CSMD1: variants seen among roughly 807,000 people sequenced by gnomAD.
CSMD1 encodes CUB and sushi domain-containing protein 1.
A neutral mutation model predicts 417.5 loss-of-function variants in CSMD1; 213 were observed. The observed-to-expected ratio is 0.51, with a 90% CI of 0.46 to 0.57. The LOEUF is 0.57. CSMD1 is among the 20% of genes least tolerant of loss of function. CSMD1 has a pLI of 0.00. For synonymous variants in CSMD1, 2,862 were observed against 1,736.8 expected (o/e 1.65, Z -16.11); for missense variants, 6,923 against 4,529.7 (o/e 1.53, Z -15.17).
At chr8:3,650,868 CT>C (rs1797820817) in intron 7 of CSMD1, among the ~76,000 whole-genome samples, 1 of 152,160 alleles carries the variant, frequency 6.6e-6, no homozygotes, top group South Asian at 2.1e-4. Context: ...GTAACTATGA[CT>C]ATGTAACATC....
intron 26 of CSMD1, among the ~76,000 whole-genome samples, chr8:3,273,901 G>C (rs1802069137): frequency 6.6e-6 from 1 of 151,938 alleles, no homozygotes; most frequent in Non-Finnish European, 1.5e-5. Flanking sequence ...TTAATTTTTT[G>C]AAGGGTTTTT....
intron 1 of CSMD1, among the ~76,000 whole-genome samples, chr8:4,723,807 A>C (rs1024095301): frequency 2.3e-4 from 35 of 151,554 alleles, no homozygotes; most frequent in Admixed American, 6.6e-4. Flanking sequence ...AAAACAAAAA[A>C]AAAACAAAAC....
At chr8:3,448,876 G>A (rs140050659) in intron 12 of CSMD1, among the ~76,000 whole-genome samples, 1 of 152,196 alleles carries the variant, frequency 6.6e-6, no homozygotes, top group African/African-American at 2.4e-5. Context: ...ACTTACGCAG[G>A]CATAATTCTA....
chr8:4,860,162 C>CA (rs1802040478), intron 1 of CSMD1, among the ~76,000 whole-genome samples: 2 of 147,576 alleles, frequency 1.4e-5, no homozygotes, highest in South Asian at 4.2e-4. Context: ...ATCGCAAGAA[C>CA]AAAAAACCAA....
At chr8:3,162,536 C>T (rs1819964419) in intron 37 of CSMD1, among the ~76,000 whole-genome samples, 1 of 151,958 alleles carries the variant, frequency 6.6e-6, no homozygotes, top group African/African-American at 2.4e-5. Flanking sequence ...TTGTTACTTC[C>T]ACATTGAGTA....
intron 5 of CSMD1, among the ~76,000 whole-genome samples, chr8:3,797,044 T>C (rs553232982): frequency 6.6e-6 from 1 of 152,024 alleles, no homozygotes; most frequent in South Asian, 2.1e-4. Context: ...TATCAGCACA[T>C]ACGTGGTAGG....
intron 1 of CSMD1, among the ~76,000 whole-genome samples, chr8:4,799,521 C>T (rs1408199408): frequency 7.5e-6 from 1 of 133,972 alleles, no homozygotes; most frequent in Non-Finnish European, 1.5e-5. Context: ...ATTGCTTGAA[C>T]CCAGGAGGCG....
chr8:3,877,590 G>T (rs756744064), intron 5 of CSMD1, among the ~76,000 whole-genome samples: 1 of 152,150 alleles, frequency 6.6e-6, no homozygotes, highest in African/African-American at 2.4e-5. Context: ...TACACTGTTA[G>T]ATCTAACAAC....
At chr8:3,974,478 T>A (rs891399301) in intron 5 of CSMD1, among the ~76,000 whole-genome samples, 1 of 151,994 alleles carries the variant, frequency 6.6e-6, no homozygotes, top group African/African-American at 2.4e-5. Flanking sequence ...TAAAATGTAT[T>A]AAAACAGAAA....
chr8:2,994,399 G>A (rs751525207), intron 54 of CSMD1, among the ~76,000 whole-genome samples: 12 of 152,112 alleles, frequency 7.9e-5, no homozygotes, highest in Non-Finnish European at 1.3e-4. Context: ...GTGTGCACCT[G>A]CTGTTGTTGC....
At chr8:4,656,421 T>C (rs780585251) in intron 1 of CSMD1, among the ~76,000 whole-genome samples, 1 of 152,050 alleles carries the variant, frequency 6.6e-6, no homozygotes, top group Non-Finnish European at 1.5e-5. Flanking sequence ...AGGACTAATG[T>C]ATCATTATAT....
intron 2 of CSMD1, among the ~76,000 whole-genome samples, chr8:4,499,223 T>C (rs1802129524): frequency 6.6e-6 from 1 of 152,106 alleles, no homozygotes; most frequent in Non-Finnish European, 1.5e-5. Context: ...ACAAACAAGG[T>C]GAGTCTTAAA....
intron 4 of CSMD1, among the ~76,000 whole-genome samples, chr8:4,005,356 G>C (rs575041158): frequency 1.3e-5 from 2 of 152,286 alleles, no homozygotes; most frequent in South Asian, 2.1e-4. Context: ...ACGTAATGCA[G>C]GGGCGGGTCC....
At chr8:3,553,925 C>T (rs1287361974) in intron 10 of CSMD1, among the ~76,000 whole-genome samples, 2 of 151,894 alleles carry the variant, frequency 1.3e-5, no homozygotes, top group African/African-American at 2.4e-5. Context: ...AGGCAGACTT[C>T]TACGTAATGG....
chr8:3,089,251 G>C (rs942923855), intron 48 of CSMD1, among the ~76,000 whole-genome samples: 1 of 152,232 alleles, frequency 6.6e-6, no homozygotes, highest in African/African-American at 2.4e-5. Context: ...ACCCAGGTGA[G>C]AGAAGACTGG....
At chr8:4,137,131 G>C (rs143333903) in intron 3 of CSMD1, among the ~76,000 whole-genome samples, 20 of 152,296 alleles carry the variant, frequency 1.3e-4, no homozygotes, top group African/African-American at 4.6e-4. Flanking sequence ...CAGAGAATAA[G>C]CCATTCATAA....
chr8:4,015,591 G>A (rs1796482286), intron 4 of CSMD1, among the ~76,000 whole-genome samples: 2 of 146,730 alleles, frequency 1.4e-5, no homozygotes, highest in Admixed American at 6.9e-5. Flanking sequence ...TGGCATCTTG[G>A]CCCAATGACT....
chr8:3,928,233 A>T (rs1341296714), intron 5 of CSMD1, among the ~76,000 whole-genome samples: 1 of 152,240 alleles, frequency 6.6e-6, no homozygotes, highest in African/African-American at 2.4e-5. Context: ...TAGAAATAGT[A>T]GGTATAATTA....
chr8:3,109,612 T>A (rs1232034270), intron 43 of CSMD1, among the ~76,000 whole-genome samples: 1 of 152,020 alleles, frequency 6.6e-6, no homozygotes, highest in African/African-American at 2.4e-5. Context: ...CCCAGGTGCA[T>A]CCTCACTGCC....
Sources: allele counts gnomAD v4.1 joint callset (sites outside exome capture counted in the v4.1 genomes callset), GRCh38; gene constraint gnomAD v4.1.1; transcripts MANE v1.5; gene names NCBI Gene and HGNC (gene_info 2026-07-23, HGNC 2026-07-21).